HIVEP1: variants seen among roughly 807,000 people sequenced by gnomAD.
HIVEP1 encodes the protein HIVEP zinc finger 1.
In HIVEP1, 36 loss-of-function variants were observed where a neutral mutation model predicts 180.0. The observed-to-expected ratio is 0.20, with a 90% CI of 0.15 to 0.26. The LOEUF (loss-of-function observed/expected upper bound fraction) is 0.26, where lower values mean the gene tolerates loss of function less well. HIVEP1 is among the 10% of genes least tolerant of loss of function. HIVEP1 has a pLI of 1.00. For missense variants in HIVEP1, 3,143 were observed against 3,268.7 expected (o/e 0.96, Z 0.94); for synonymous variants, 1,239 against 1,239.0 (o/e 1.00, Z 0.00).
chr6:12,011,640 C>A (rs1767315225), upstream of HIVEP1, among the ~76,000 whole-genome samples: 1 of 147,586 alleles, frequency 6.8e-6, no homozygotes, highest in African/African-American at 2.5e-5. Flanking sequence ...CTCGGCCGGG[C>A]GGGGCGGGGA....
rs1386041848 is a variant in HIVEP1 at position 12,063,242 on chromosome 6, T to A, written c.41-25942T>A. On this transcript the variant is annotated intron_variant, in intron 2 of 8. Transcript: ENST00000379388. This position sits in a 1 kb window ranked among gnomAD's most constrained non-coding sequence, Gnocchi z 4.2. ...TTTCAACCTCAGCTCCATTTATGAT[T>A]TGGCCTAGATAATTCTTTGTCTTGG... Among the ~76,000 whole-genome samples the A allele has an allele frequency of 6.6e-6, 1 of 152,206 alleles. No individual in the cohort carries two copies. The highest frequency in any genetic ancestry group is 2.4e-5 in the African/African-American group (1 of 41,452).
At chr6:12,044,564 G>GC (rs1370362384) in intron 2 of HIVEP1, among the ~76,000 whole-genome samples, 64 of 140,672 alleles carry the variant, frequency 4.5e-4, no homozygotes, top group African/African-American at 1.6e-3. Context: ...GGCTCACTGT[G>GC]CCCCCCTCAA....
chr6:12,155,201 A>G (rs1489895255), intron 7 of HIVEP1, among the ~76,000 whole-genome samples: 1 of 152,202 alleles, frequency 6.6e-6, no homozygotes, highest in Non-Finnish European at 1.5e-5. Flanking sequence ...AAAATATTTG[A>G]CATGTTTTGA....
At chr6:12,055,721 T>A (rs1770825363) in intron 2 of HIVEP1, among the ~76,000 whole-genome samples, 1 of 152,210 alleles carries the variant, frequency 6.6e-6, no homozygotes, top group South Asian at 2.1e-4. Context: ...ATTGAGTTAT[T>A]TCTGCCAGCA....
intron 3 of HIVEP1, among the ~76,000 whole-genome samples, chr6:12,090,758 T>TTA (rs1773422425): frequency 1.3e-5 from 2 of 148,604 alleles, no homozygotes; most frequent in Non-Finnish European, 3.0e-5. Flanking sequence ...TTTTTTTTTT[T>TTA]TACATCTAGT....
downstream of HIVEP1, among the ~76,000 whole-genome samples, chr6:12,168,357 A>ATG (rs1562025055): frequency 3.2e-5 from 3 of 93,362 alleles, no homozygotes; most frequent in African/African-American, 4.0e-5. Context: ...GTATATGTAT[A>ATG]TATTATATAC....
intron 7 of HIVEP1, among the ~76,000 whole-genome samples, chr6:12,158,444 A>G (rs1760189665): frequency 2.6e-5 from 4 of 152,160 alleles, no homozygotes; most frequent in Non-Finnish European, 5.9e-5. Flanking sequence ...TTCCTTTTGC[A>G]CTATGCCTCA....
intron 2 of HIVEP1, among the ~76,000 whole-genome samples, chr6:12,061,491 AGAAG>A: frequency 6.6e-6 from 1 of 152,236 alleles, no homozygotes; most frequent in African/African-American, 2.4e-5. Flanking sequence ...GCTGGCTAAT[AGAAG>A]AAAAACGAAA....
intron 2 of HIVEP1, among the ~76,000 whole-genome samples, chr6:12,021,893 A>G (rs537885298): frequency 1.1e-3 from 172 of 151,806 alleles, no homozygotes; most frequent in African/African-American, 4.0e-3. Context: ...TTGAACTCCT[A>G]ACCTCAAGTG....
the HIVEP1 span, among the ~76,000 whole-genome samples, chr6:12,209,876 C>T: frequency 1.3e-5 from 2 of 152,094 alleles, no homozygotes; most frequent in African/African-American, 4.8e-5. Flanking sequence ...AGTGAAGGAA[C>T]TCCTCTAAAA....
intron 3 of HIVEP1, among the ~76,000 whole-genome samples, chr6:12,112,250 C>G (rs563433197): frequency 6.6e-6 from 1 of 152,048 alleles, no homozygotes; most frequent in South Asian, 2.1e-4. Context: ...GTTGAGAAGT[C>G]TGCTTTAATT....
chr6:12,013,251 C>T (rs1767505057), intron 1 of HIVEP1, among the ~76,000 whole-genome samples: 1 of 152,246 alleles, frequency 6.6e-6, no homozygotes, highest in Non-Finnish European at 1.5e-5. Flanking sequence ...TTCAGTGCAG[C>T]GTTGCAGAGG....
chr6:12,016,340 G>A (rs554480106), intron 2 of HIVEP1, among the ~76,000 whole-genome samples: 14 of 152,246 alleles, frequency 9.2e-5, no homozygotes, highest in African/African-American at 3.4e-4. Flanking sequence ...TATCAATGGT[G>A]AATAGCAATT....
chr6:12,210,298 G>C, the HIVEP1 span, among the ~76,000 whole-genome samples: 671 of 152,260 alleles, frequency 4.4e-3, 1 homozygote, highest in Non-Finnish European at 5.0e-3. Flanking sequence ...TTATGCCTCC[G>C]TCCAAACACT....
intron 7 of HIVEP1, among the ~76,000 whole-genome samples, chr6:12,148,552 G>T (rs1212040702): frequency 6.6e-6 from 1 of 152,196 alleles, no homozygotes; most frequent in Non-Finnish European, 1.5e-5. Context: ...ACAACCTTTT[G>T]TGGTATCATG....
At chr6:12,126,131 A>C (rs958215833) in intron 4 of HIVEP1, among the ~76,000 whole-genome samples, 1 of 152,184 alleles carries the variant, frequency 6.6e-6, no homozygotes, top group Non-Finnish European at 1.5e-5. Flanking sequence ...TCAGCTAACT[A>C]TATAAGTCTT....
At chr6:12,181,096 C>G in the HIVEP1 span, among the ~76,000 whole-genome samples, 1 of 152,176 alleles carries the variant, frequency 6.6e-6, no homozygotes, top group African/African-American at 2.4e-5. Context: ...CACTGTGGCT[C>G]ACGCCTGTAA....
At position 12,124,507 on chromosome 6, in the gene HIVEP1, C is replaced by A; in HGVS notation, c.4712C>A (p.Pro1571Gln). ...CATTGTCAGGTTTTCACTTCAGGCCCATCTTGCTCTTCTAATCCTGTGCAT... is the reference window on the plus strand; with the variant it reads ...CATTGTCAGGTTTTCACTTCAGGCCAATCTTGCTCTTCTAATCCTGTGCAT... ...QLHCQVFTSGPSCSSNPVHSL... is the reference protein window; with the variant it reads ...QLHCQVFTSGQSCSSNPVHSL... The change falls in exon 4 of 9, where the codon CCA (proline) becomes CAA (glutamine). Residue 1571 changes from proline to glutamine, a missense_variant. Transcript: ENST00000379388. The A allele has an allele frequency of 6.2e-7, 1 of 1,614,172 alleles. No individual in the cohort carries two copies. The highest frequency in any genetic ancestry group is 8.5e-7 in the Non-Finnish European group (1 of 1,180,032).
intron 7 of HIVEP1, among the ~76,000 whole-genome samples, chr6:12,151,740 A>G (rs755934192): frequency 6.6e-6 from 1 of 152,216 alleles, no homozygotes; most frequent in Non-Finnish European, 1.5e-5. Flanking sequence ...TGTCATGAAT[A>G]CTAAACTGTG....
Sources: allele counts gnomAD v4.1 joint callset (sites outside exome capture counted in the v4.1 genomes callset), GRCh38; gene constraint gnomAD v4.1.1; non-coding constraint Gnocchi (gnomAD v3.1); transcripts MANE v1.5; gene names NCBI Gene and HGNC (gene_info 2026-07-23, HGNC 2026-07-21).